The following ETF1 variants were observed in gnomAD, a reference collection of about 807,000 sequenced individuals.
The protein encoded by ETF1 is eukaryotic translation termination factor 1.
In ETF1, 4 loss-of-function variants were observed where a neutral mutation model predicts 55.1. The observed-to-expected ratio is 0.07, with a 90% CI of 0.04 to 0.17. The LOEUF is 0.17. ETF1 is among the 10% of genes least tolerant of loss of function. The probability of loss-of-function intolerance (pLI) is 1.00; values close to 1 mark genes in which losing one functional copy is unlikely to be tolerated. For missense variants in ETF1, 142 were observed against 523.6 expected (o/e 0.27, Z 7.11); for synonymous variants, 157 against 182.3 (o/e 0.86, Z 1.12).
intron 4 of ETF1, among the ~76,000 whole-genome samples, chr5:138,516,851 A>G (rs930296910): frequency 6.6e-6 from 1 of 152,252 alleles, no homozygotes; most frequent in African/African-American, 2.4e-5. Flanking sequence ...GAATGTTCAC[A>G]GCAGCATTAT....
At position 138,507,774 on chromosome 5, in the gene ETF1, AAGAG is replaced by A. The variant is rs1229805072; in HGVS notation, c.*527_*530del. ...ACCCTTTCAACATTAAACAGAGACC[AAGAG>A]AGAAATGGTTCCAACATTTCACCAC... On this transcript the variant is annotated 3_prime_UTR_variant, in exon 11 of 11. Transcript: ENST00000360541. The A allele has an allele frequency of 3.3e-5, 5 of 153,062 alleles. No individual in the cohort carries two copies. Among genetic ancestry groups the A allele is most frequent in the Non-Finnish European group, 5.9e-5 (4 of 68,356 alleles). 9.5% of individuals were successfully genotyped at this position (153,062 alleles called of 1,614,324 possible). A position where few individuals can be genotyped will look rare whatever the true frequency, so the allele number is the denominator to read the frequency against.
chr5:138,524,165 T>G (rs1765356980), intron 2 of ETF1, among the ~76,000 whole-genome samples: 1 of 148,372 alleles, frequency 6.7e-6, no homozygotes, highest in African/African-American at 2.5e-5. Flanking sequence ...CACTCCAGCT[T>G]GGGTGACAGA....
chr5:138,542,097 T>C (rs1766202839), intron 2 of ETF1, among the ~76,000 whole-genome samples: 2 of 152,224 alleles, frequency 1.3e-5, no homozygotes, highest in Non-Finnish European at 2.9e-5. Context: ...TCTGTAGTTA[T>C]GATTCCTATC....
At chr5:138,510,954 T>C in intron 8 of ETF1, 91 bp downstream of exon 8, 2 of 1,543,970 alleles carry the variant, frequency 1.3e-6, no homozygotes, top group Non-Finnish European at 1.7e-6. Context: ...TACCTTCTGA[T>C]TGCTCCTGAA....
At chr5:138,542,655 CT>C (rs1766232605) in intron 2 of ETF1, 177 bp downstream of exon 2, 1 of 1,434,090 alleles carries the variant, frequency 7.0e-7, no homozygotes, top group Admixed American at 2.8e-5. Flanking sequence ...GAAAGGACCC[CT>C]TCTCGGGCCA....
At chr5:138,509,845 A>T (rs1460440518) in intron 9 of ETF1, among the ~76,000 whole-genome samples, 4 of 138,766 alleles carry the variant, frequency 2.9e-5, no homozygotes, top group Admixed American at 1.6e-4. Flanking sequence ...CAGTGAGCCG[A>T]GATCACACCA....
chr5:138,537,181 C>G (rs947790400), intron 2 of ETF1, among the ~76,000 whole-genome samples: 6 of 152,230 alleles, frequency 3.9e-5, no homozygotes, highest in Non-Finnish European at 5.9e-5. Flanking sequence ...CACATCCTTT[C>G]TAACATATAT....
intron 2 of ETF1, among the ~76,000 whole-genome samples, chr5:138,527,880 C>G (rs574630076): frequency 5.3e-5 from 8 of 152,182 alleles, no homozygotes; most frequent in Admixed American, 3.3e-4. Context: ...TCAAGCCATT[C>G]TCCTGCCTCA....
chr5:138,530,784 C>T (rs1238571416), intron 2 of ETF1, among the ~76,000 whole-genome samples: 1 of 152,186 alleles, frequency 6.6e-6, no homozygotes, highest in Non-Finnish European at 1.5e-5. Flanking sequence ...AGGCTGGTCT[C>T]GAACTCCTGA....
intron 8 of ETF1, 173 bp downstream of exon 8, chr5:138,510,872 A>C: frequency 3.3e-6 from 3 of 901,026 alleles, no homozygotes; most frequent in Non-Finnish European, 4.0e-6. Context: ...AGCAGACGTT[A>C]AACAGTTCAA....
chr5:138,511,297 A>G, intron 7 of ETF1, 97 bp from the exon 8 acceptor site: 2 of 1,543,100 alleles, frequency 1.3e-6, no homozygotes, highest in Non-Finnish European at 1.7e-6. Flanking sequence ...GATAAAAAAT[A>G]ATGCTTTTAC....
rs940804513 is a variant in ETF1 at position 138,507,258 on chromosome 5, CAGG to C, written c.*1044_*1046del. Reference sequence around the variant, plus strand: ...AGATGCTCCAACCCCACCAGGAGGTCAGGAGTTTATAATTACATGCAGTCATAC... The same window carrying C: ...AGATGCTCCAACCCCACCAGGAGGTCAGTTTATAATTACATGCAGTCATAC... On this transcript the variant is annotated 3_prime_UTR_variant, in exon 11 of 11. Coordinates refer to ENST00000360541, the MANE Select transcript of ETF1 (RefSeq NM_004730.4). 6 of 148,714 alleles carry C rather than the reference CAGG, an allele frequency of 4.0e-5. No homozygotes were observed. The highest frequency in any genetic ancestry group is 7.5e-5 in the Non-Finnish European group (5 of 66,974). 9.2% of individuals were successfully genotyped at this position (148,714 alleles called of 1,614,324 possible).
At chr5:138,526,292 C>T (rs1228271838) in intron 2 of ETF1, among the ~76,000 whole-genome samples, 1 of 152,174 alleles carries the variant, frequency 6.6e-6, no homozygotes, top group African/African-American at 2.4e-5. Context: ...AGAAGCAGCA[C>T]TGTGAGGGGA....
chr5:138,530,194 C>T (rs1441852793), intron 2 of ETF1, among the ~76,000 whole-genome samples: 1 of 152,186 alleles, frequency 6.6e-6, no homozygotes, highest in Non-Finnish European at 1.5e-5. Flanking sequence ...TCCCTTCTTC[C>T]TCCATCCTGA....
chr5:138,519,570 C>T (rs965633823), intron 2 of ETF1, among the ~76,000 whole-genome samples: 3 of 150,792 alleles, frequency 2.0e-5, no homozygotes, highest in East Asian at 1.9e-4. Flanking sequence ...GGCTGAGGCA[C>T]GAGAATCACT....
chr5:138,536,829 T>G (rs1017871637), intron 2 of ETF1, among the ~76,000 whole-genome samples: 1 of 152,124 alleles, frequency 6.6e-6, no homozygotes, highest in Non-Finnish European at 1.5e-5. Flanking sequence ...GGGCCGATCC[T>G]CAATCTCAAG....
intron 2 of ETF1, chr5:138,529,778 G>C (rs1378305599): frequency 1.1e-6 from 1 of 925,080 alleles, no homozygotes; most frequent in Non-Finnish European, 1.3e-6. Flanking sequence ...TTAGAGATGG[G>C]GTCTTGCTCT....
At chr5:138,516,423 G>A (rs1307874958) in intron 4 of ETF1, among the ~76,000 whole-genome samples, 1 of 152,088 alleles carries the variant, frequency 6.6e-6, no homozygotes, top group Non-Finnish European at 1.5e-5. Context: ...GATCACTTGA[G>A]GCCAGGAGTT....
At chr5:138,526,150 T>G (rs560505767) in intron 2 of ETF1, among the ~76,000 whole-genome samples, 3 of 152,202 alleles carry the variant, frequency 2.0e-5, no homozygotes, top group African/African-American at 7.2e-5. Context: ...CATCTCACAG[T>G]AGCCCAATAT....
Sources: allele counts gnomAD v4.1 joint callset (sites outside exome capture counted in the v4.1 genomes callset), GRCh38; gene constraint gnomAD v4.1.1; transcripts MANE v1.5; gene names NCBI Gene and HGNC (gene_info 2026-07-23, HGNC 2026-07-21).